NPAS2: variants seen among roughly 807,000 people sequenced by gnomAD.
NPAS2 encodes the protein neuronal PAS domain protein 2.
Under a neutral mutation model 107.5 loss-of-function variants are expected in NPAS2, and 23 were observed. The observed-to-expected ratio is 0.21, with a 90% CI of 0.15 to 0.30. The LOEUF (loss-of-function observed/expected upper bound fraction) is 0.30. Among genes scored for constraint, NPAS2 ranks in the 10% least tolerant of loss-of-function variants. The pLI is 1.00. For missense variants in NPAS2, 756 were observed against 1,043.3 expected, an observed-to-expected ratio of 0.72 and a Z score of 3.79; for synonymous variants, 403 against 417.5, an observed-to-expected ratio of 0.97 and a Z score of 0.42.
chr2:100,957,128 G>A (rs998189014), intron 7 of NPAS2, among the ~76,000 whole-genome samples: 9 of 152,362 alleles, frequency 5.9e-5, no homozygotes, highest in African/African-American at 1.9e-4. Flanking sequence ...GGGGAGGGAA[G>A]ACAGGACTTC....
chr2:100,836,839 A>G (rs150020227), intron 1 of NPAS2, among the ~76,000 whole-genome samples: 1 of 152,184 alleles, frequency 6.6e-6, no homozygotes, highest in Admixed American at 6.5e-5. Flanking sequence ...CCATTTTCCC[A>G]GATAGGGAAA....
At chr2:100,984,786 C>T (rs941961821) in intron 16 of NPAS2, 3 of 152,170 alleles carry the variant, frequency 2.0e-5, no homozygotes, top group Admixed American at 2.0e-4. Context: ...GGCCTTTATC[C>T]CAACCTCAGT....
At position 100,965,030 on chromosome 2, in the gene NPAS2, G is replaced by T; in HGVS notation, c.800+87G>T. On this transcript the variant is annotated intron_variant, in intron 9 of 20. Coordinates refer to ENST00000335681, the MANE Select transcript of NPAS2 (RefSeq NM_002518.4). The surrounding 1 kb of genome is among the most constrained non-coding windows in gnomAD (Gnocchi z 4.3). Reference sequence around the variant, plus strand: ...GGCTCTCCTTGGGAGAGAAGAGTCGGCCCTGGTCCATTGAAAGAGGAGGAC... The same window carrying T: ...GGCTCTCCTTGGGAGAGAAGAGTCGTCCCTGGTCCATTGAAAGAGGAGGAC... 2 of 869,172 alleles carry T rather than the reference G, an allele frequency of 2.3e-6. No homozygotes were observed. The highest frequency in any genetic ancestry group is 2.8e-5 in the East Asian group (1 of 35,430). The allele number at this position is 869,172 out of a possible 1,614,324, so 53.8% of individuals were successfully genotyped here.
chr2:100,959,089 C>CAAAAAAAAAAA (rs758460503), intron 7 of NPAS2, among the ~76,000 whole-genome samples: 2 of 47,670 alleles, frequency 4.2e-5, no homozygotes, highest in African/African-American at 1.1e-4. Context: ...CCCATCTCTT[C>CAAAAAAAAAAA]AAAAAAAAAA....
At chr2:100,945,204 A>T (rs868719699) in intron 5 of NPAS2, among the ~76,000 whole-genome samples, 3 of 152,134 alleles carry the variant, frequency 2.0e-5, no homozygotes, top group Non-Finnish European at 4.4e-5. Flanking sequence ...CCTGGAAGCC[A>T]TGCTGAGTCC....
chr2:100,852,263 G>A (rs967788262), intron 1 of NPAS2, among the ~76,000 whole-genome samples: 72 of 152,214 alleles, frequency 4.7e-4, no homozygotes, highest in African/African-American at 1.7e-3. Context: ...CGGGCGTGGT[G>A]GTGGGTGCCT....
intron 4 of NPAS2, among the ~76,000 whole-genome samples, chr2:100,937,373 G>A (rs1684392655): frequency 6.6e-6 from 1 of 152,208 alleles, no homozygotes; most frequent in Non-Finnish European, 1.5e-5. Flanking sequence ...AGTGATGGCA[G>A]GGGTAGGGAG....
chr2:100,906,693 C>T (rs189208065), intron 2 of NPAS2, among the ~76,000 whole-genome samples: 153 of 152,244 alleles, frequency 1.0e-3, no homozygotes, highest in Non-Finnish European at 1.8e-3. Context: ...CGGGTTCAAG[C>T]GCAGGCCATT....
chr2:100,927,181 G>A lies in NPAS2; in HGVS notation c.181+1887G>A, dbSNP rs183556312. ...AATCTCCTGACCTCGTGATTCACCC[G>A]CCCCGGCCTCCCAAAGTGCTGGGAT... is the stretch of plus-strand genomic sequence containing the variant. On this transcript the variant is annotated intron_variant, in intron 3 of 20. Coordinates refer to ENST00000335681, the MANE Select transcript of NPAS2 (RefSeq NM_002518.4). Among the ~76,000 whole-genome samples the A allele has an allele frequency of 1.4e-4, 22 of 151,990 alleles. No homozygotes were observed. In the East Asian group the frequency reaches 2.3e-3, roughly 16 times the overall value.
intron 2 of NPAS2, among the ~76,000 whole-genome samples, chr2:100,907,278 T>G (rs1430020644): frequency 6.6e-6 from 1 of 152,262 alleles, no homozygotes; most frequent in South Asian, 2.1e-4. Context: ...GTATGCAGTT[T>G]CTTTTCATTC....
chr2:100,861,583 C>A (rs1678943194), intron 1 of NPAS2, among the ~76,000 whole-genome samples: 1 of 152,044 alleles, frequency 6.6e-6, no homozygotes, highest in African/African-American at 2.4e-5. Flanking sequence ...ATGTGAGGGG[C>A]AGGTGGGCTC....
chr2:100,852,396 CA>C (rs1337585434), intron 1 of NPAS2, among the ~76,000 whole-genome samples: 1 of 151,284 alleles, frequency 6.6e-6, no homozygotes, highest in Non-Finnish European at 1.5e-5. Context: ...GACTCCATCT[CA>C]AAAAAAATAA....
intron 7 of NPAS2, among the ~76,000 whole-genome samples, chr2:100,961,141 TAA>T (rs1675893692): frequency 6.6e-6 from 1 of 152,176 alleles, no homozygotes; most frequent in African/African-American, 2.4e-5. Flanking sequence ...TTCTATTACT[TAA>T]ATTGAAACAA....
intron 5 of NPAS2, among the ~76,000 whole-genome samples, chr2:100,946,540 A>C (rs1674910154): frequency 6.6e-6 from 1 of 152,158 alleles, no homozygotes; most frequent in South Asian, 2.1e-4. Flanking sequence ...AGGATTAGAG[A>C]AGTGCTGGGA....
intron 1 of NPAS2, among the ~76,000 whole-genome samples, chr2:100,895,107 TAC>T (rs61033448): frequency 0.44 from 66,642 of 151,684 alleles, 15,549 homozygotes; most frequent in African/African-American, 0.59. Context: ...CCATCATGCG[TAC>T]ACACACACAC....
intron 1 of NPAS2, among the ~76,000 whole-genome samples, chr2:100,873,307 T>TATATATATAC (rs1280164445): frequency 4.8e-5 from 2 of 41,902 alleles, no homozygotes; most frequent in Non-Finnish European, 8.9e-5. Context: ...TATATATATA[T>TATATATATAC]ACACACACAC....
At chr2:100,915,200 C>A in intron 2 of NPAS2, among the ~76,000 whole-genome samples, 1 of 151,958 alleles carries the variant, frequency 6.6e-6, no homozygotes, top group Non-Finnish European at 1.5e-5. Context: ...GGAAGGGGAA[C>A]CTCTCTCCAG....
intron 3 of NPAS2, among the ~76,000 whole-genome samples, chr2:100,932,196 A>G (rs562599917): frequency 2.1e-4 from 32 of 152,382 alleles, no homozygotes; most frequent in Non-Finnish European, 4.3e-4. Context: ...GAAATAATTC[A>G]ATAATAGAAC....
intron 6 of NPAS2, 30 bp from the exon 7 acceptor site, chr2:100,949,337 T>TTC: frequency 7.6e-7 from 1 of 1,319,392 alleles, no homozygotes; most frequent in Non-Finnish European, 1.1e-6. Context: ...CACGACCCCT[T>TTC]TCTCTCCTCT....
Sources: allele counts gnomAD v4.1 joint callset (sites outside exome capture counted in the v4.1 genomes callset), GRCh38; gene constraint gnomAD v4.1.1; non-coding constraint Gnocchi (gnomAD v3.1); transcripts MANE v1.5; gene names NCBI Gene and HGNC (gene_info 2026-07-23, HGNC 2026-07-21).